SNX15: variants seen among roughly 807,000 people sequenced by gnomAD.
SNX15 encodes sorting nexin-15.
SNX15 carries 29 observed loss-of-function variants against 35.2 expected under a neutral mutation model. That is an observed-to-expected ratio of 0.82 (90% CI 0.61 to 1.12). The LOEUF is 1.12. SNX15 is among the 50% of genes most tolerant of loss of function. The probability of loss-of-function intolerance (pLI) is 0.00; values close to 1 mark genes in which losing one functional copy is unlikely to be tolerated. For missense variants in SNX15, 400 were observed against 451.5 expected, an observed-to-expected ratio of 0.89 and a Z score of 1.03; for synonymous variants, 189 against 188.2, an observed-to-expected ratio of 1.00 and a Z score of -0.03.
intron 7 of SNX15, among the ~76,000 whole-genome samples, 196 bp downstream of exon 7, chr11:65,039,025 TCC>T (rs1316669584): frequency 5.5e-5 from 7 of 127,610 alleles, no homozygotes; most frequent in African/African-American, 2.0e-4. Context: ...GTTTTCTTCT[TCC>T]TCTTTTTTTT....
Position 65,027,585 on chromosome 11 carries a change from G to A in SNX15, c.48G>A (p.Ser16=), listed in dbSNP as rs1946386424. The change falls in exon 1 of 8, where the codon TCG becomes TCA. Residue 16 remains serine, a synonymous_variant. Transcript: ENST00000377244. ...KDDFLRHYTV[S]DPRTHPKGYT... Reference sequence around the variant, plus strand: ...ACTTCCTGCGGCACTACACAGTGTCGGACCCCAGGACTCACCCCAAGGGCT... The same window carrying A: ...ACTTCCTGCGGCACTACACAGTGTCAGACCCCAGGACTCACCCCAAGGGCT... 1.2e-6 allele frequency: 2 copies of A among 1,613,954 alleles called. No individual in the cohort carries two copies. The highest frequency in any genetic ancestry group is 1.7e-5 in the Admixed American group (1 of 59,982).
chr11:65,027,666 CT>C (rs1946387935), intron 1 of SNX15, 30 bp downstream of exon 1: 1 of 1,546,830 alleles, frequency 6.5e-7, no homozygotes, highest in Non-Finnish European at 8.9e-7. Context: ...GTACTTTACC[CT>C]TTTAACTAGA....
chr11:65,039,847 C>A lies in SNX15; in HGVS notation c.*55C>A. ...GCTCCTGCACTGCCAGCCCCTTCTC[C>A]TCTCCCCAGGGCCTGGCCCTACCTC... On this transcript the variant is annotated 3_prime_UTR_variant, in exon 8 of 8. Coordinates refer to ENST00000377244, the MANE Select transcript of SNX15 (RefSeq NM_013306.5). 8.0e-7 allele frequency: 1 copy of A among 1,255,358 alleles called. No homozygotes were observed. Among genetic ancestry groups the A allele is most frequent in the South Asian group, 1.3e-5 (1 of 78,836 alleles). 77.8% of individuals were successfully genotyped at this position (1,255,358 alleles called of 1,614,324 possible).
At chr11:65,039,410 G>A (rs1022599375) in intron 7 of SNX15, among the ~76,000 whole-genome samples, 13 of 151,898 alleles carry the variant, frequency 8.6e-5, no homozygotes, top group African/African-American at 2.7e-4. Context: ...TTTTAGTAGA[G>A]ATGGGCTTTC....
At position 65,027,647 on chromosome 11, in the gene SNX15, G is replaced by A. The variant is rs374727432; in HGVS notation, c.99+11G>A. On this transcript the variant is annotated intron_variant, in intron 1 of 7. Transcript: ENST00000377244. The stretch of plus-strand genomic sequence containing the variant: ...AAAGTAACCGCGCAGGTGAGGTGGG[G>A]CCCAGCGCGTACTTTACCCTTTTAA... The A allele has an allele frequency of 6.2e-7, 1 of 1,604,242 alleles. No individual in the cohort carries two copies. The highest frequency in any genetic ancestry group is 1.1e-5 in the South Asian group (1 of 90,888).
chr11:65,033,522 C>T (rs887868869), intron 3 of SNX15, among the ~76,000 whole-genome samples: 2 of 129,078 alleles, frequency 1.5e-5, no homozygotes, highest in African/African-American at 3.0e-5. Context: ...CCAGCCCAGG[C>T]GACAGAGTGA....
Position 65,040,069 on chromosome 11 carries a change from G to A in SNX15, c.*277G>A, listed in dbSNP as rs498636. On this transcript the variant is annotated 3_prime_UTR_variant, in exon 8 of 8. Transcript: ENST00000377244. ...CAGACTGGAGTGCAGTGGTGGGATCGCGGCTCACTGCAACCTCCACCTCCC... is the reference window on the plus strand; with the variant it reads ...CAGACTGGAGTGCAGTGGTGGGATCACGGCTCACTGCAACCTCCACCTCCC... The A allele has an allele frequency of 0.55, 174,568 of 318,858 alleles. 52,334 individuals carry two copies. Among genetic ancestry groups the A allele is most frequent in the Middle Eastern group, 0.67 (761 of 1,138 alleles). The allele number at this position is 318,858 out of a possible 1,614,324, so 19.8% of individuals were successfully genotyped here.
At chr11:65,038,114 G>A (rs1946524584) in intron 6 of SNX15, 2 of 213,074 alleles carry the variant, frequency 9.4e-6, no homozygotes, top group Non-Finnish European at 1.6e-5. Flanking sequence ...TACATTTGGG[G>A]GCCTCAGCTG....
chr11:65,035,318 T>C (rs1226662518), intron 5 of SNX15, 112 bp downstream of exon 5: 1 of 1,283,334 alleles, frequency 7.8e-7, no homozygotes, highest in Non-Finnish European at 1.1e-6. Context: ...CCCAGGTCTA[T>C]CACTTAACTG....
intron 1 of SNX15, 22 bp downstream of exon 1, chr11:65,027,658 A>C: frequency 1.3e-6 from 2 of 1,581,806 alleles, no homozygotes; most frequent in Non-Finnish European, 1.7e-6. Flanking sequence ...CCCAGCGCGT[A>C]CTTTACCCTT....
At chr11:65,037,377 C>G (rs1199337437) in intron 6 of SNX15, 1 of 152,106 alleles carries the variant, frequency 6.6e-6, no homozygotes, top group Non-Finnish European at 1.5e-5. Context: ...CACCATCATG[C>G]CCAGCTAAGT....
At position 65,040,008 on chromosome 11, in the gene SNX15, T is replaced by G. The variant is rs986060808; in HGVS notation, c.*216T>G. 1.0e-5 allele frequency: 5 copies of G among 480,358 alleles called. 1 individual carries two copies. The South Asian group carries it at 1.5e-4, about 15-fold the overall frequency. 29.8% of individuals were successfully genotyped at this position (480,358 alleles called of 1,614,324 possible). A position where few individuals can be genotyped will look rare whatever the true frequency, so the allele number is the denominator to read the frequency against. Reference sequence around the variant, plus strand: ...ACACTTCTGACCCTGCCTGTCTTTTTGGGGTTTTTTTGAGTTGGAGTCTCG... The same window carrying G: ...ACACTTCTGACCCTGCCTGTCTTTTGGGGGTTTTTTTGAGTTGGAGTCTCG... On this transcript the variant is annotated 3_prime_UTR_variant, in exon 8 of 8. Transcript: ENST00000377244.
At position 65,035,116 on chromosome 11, in the gene SNX15, C is replaced by A. The variant is rs757963919; in HGVS notation, c.430C>A (p.Pro144Thr). 1.9e-6 allele frequency: 3 copies of A among 1,609,628 alleles called. No homozygotes were observed. Among genetic ancestry groups the A allele is most frequent in the Non-Finnish European group, 2.5e-6 (3 of 1,178,434 alleles). ...CAGGGACCTACACATCCTGCCACCC[C>A]CTCTGATCCCCACCCCGCCCCCTGA... ...VSRDLHILPP[P>T]LIPTPPPDDP... The change falls in exon 5 of 8, where the codon CCT (proline) becomes ACT (threonine). Residue 144 changes from proline to threonine, a missense_variant. By Grantham distance (38) the Pro-to-Thr change is conservative. Coordinates refer to ENST00000377244, the MANE Select transcript of SNX15 (RefSeq NM_013306.5).
rs766558376 is a variant in SNX15 at position 65,032,590 on chromosome 11, G to A, written c.256+39G>A. The A allele has an allele frequency of 2.2e-5, 35 of 1,612,980 alleles. No individual in the cohort carries two copies. In the South Asian group the frequency reaches 2.9e-4, roughly 13 times the overall value. On this transcript the variant is annotated intron_variant, in intron 3 of 7. Transcript: ENST00000377244. ...TGGGGCACTCGGGCCAAAGATGGAG[G>A]GAGCATTGGGCAAAAGGGGACCTCC... is the stretch of plus-strand genomic sequence containing the variant.
chr11:65,032,138 T>G (rs767032654), intron 1 of SNX15, 30 bp from the exon 2 acceptor site: 3 of 1,613,080 alleles, frequency 1.9e-6, no homozygotes, highest in Non-Finnish European at 1.7e-6. Flanking sequence ...CAGTCTCTGG[T>G]CTCAACCAGC....
Position 65,027,469 on chromosome 11 carries a change from GCT to G in SNX15, c.-68_-67del. 1 of 1,286,416 alleles carries G rather than the reference GCT, an allele frequency of 7.8e-7. No homozygotes were observed. The highest frequency in any genetic ancestry group is 1.1e-6 in the Non-Finnish European group (1 of 884,764). 79.7% of individuals were successfully genotyped at this position (1,286,416 alleles called of 1,614,324 possible). ...CCTGGCGAGGCGGCGGCGGGCGGAGGCTGGGCCGGAGGGGTGGGGACGGCGAG... is the reference window on the plus strand; with the variant it reads ...CCTGGCGAGGCGGCGGCGGGCGGAGGGGGCCGGAGGGGTGGGGACGGCGAG... On this transcript the variant is annotated 5_prime_UTR_variant, in exon 1 of 8. Coordinates refer to ENST00000377244, the MANE Select transcript of SNX15 (RefSeq NM_013306.5).
Position 65,038,638 on chromosome 11 carries a change from TGGACCA to T in SNX15, c.735_740del (p.Asp245_Gln246del), listed in dbSNP as rs1219710100. 2 of 1,612,134 alleles carry T rather than the reference TGGACCA, an allele frequency of 1.2e-6. No individual in the cohort carries two copies. The highest frequency in any genetic ancestry group is 2.7e-5 in the African/African-American group (2 of 74,882). ...ACGATGGAGGTGGAGTCTGCAAGGC[TGGACCA>T]GGAACCCTGGGAGCCAGGAGGGCAG... On this transcript the variant is annotated inframe_deletion, in exon 7 of 8. Transcript: ENST00000377244.
chr11:65,035,114 C>G lies in SNX15; in HGVS notation c.428C>G (p.Pro143Arg). The change falls in exon 5 of 8, where the codon CCC becomes CGC. Residue 143 changes from proline to arginine, a missense_variant. Coordinates refer to ENST00000377244, the MANE Select transcript of SNX15 (RefSeq NM_013306.5). Reference protein sequence around the residue: ...EVSRDLHILPPPLIPTPPPDD... With the variant: ...EVSRDLHILPRPLIPTPPPDD... ...TCCAGGGACCTACACATCCTGCCAC[C>G]CCCTCTGATCCCCACCCCGCCCCCT... is the stretch of plus-strand genomic sequence containing the variant. 1.2e-6 allele frequency: 2 copies of G among 1,608,900 alleles called. No individual in the cohort carries two copies. The highest frequency in any genetic ancestry group is 8.5e-7 in the Non-Finnish European group (1 of 1,178,112).
At chr11:65,031,244 A>T (rs1021855756) in intron 1 of SNX15, among the ~76,000 whole-genome samples, 10 of 152,142 alleles carry the variant, frequency 6.6e-5, no homozygotes, top group African/African-American at 2.4e-4. Context: ...GGCTGGCCTC[A>T]AACTCCTGGA....
Sources: allele counts gnomAD v4.1 joint callset (sites outside exome capture counted in the v4.1 genomes callset), GRCh38; gene constraint gnomAD v4.1.1; transcripts MANE v1.5; gene names NCBI Gene and HGNC (gene_info 2026-07-23, HGNC 2026-07-21).